ARHGAP26: variants seen among roughly 807,000 people sequenced by gnomAD.
ARHGAP26 encodes rho GTPase-activating protein 26.
A neutral mutation model predicts 104.8 loss-of-function variants in ARHGAP26; 38 were observed. The ratio of observed to expected loss-of-function variants is 0.36; its 90% CI spans 0.28 to 0.48. The LOEUF (loss-of-function observed/expected upper bound fraction) is 0.48, where lower values mean the gene tolerates loss of function less well. Among genes scored for constraint, ARHGAP26 ranks in the 20% least tolerant of loss-of-function variants. ARHGAP26 has a pLI of 0.99. For synonymous variants in ARHGAP26, 341 were observed against 340.0 expected (o/e 1.00, Z -0.03); for missense variants, 704 against 947.9 (o/e 0.74, Z 3.38).
At position 143,057,692 on chromosome 5, in the gene ARHGAP26, C is replaced by T. The variant is rs1786029147; in HGVS notation, c.1483C>T (p.Arg495Trp). The T allele has an allele frequency of 5.0e-6, 8 of 1,613,860 alleles. No individual in the cohort carries two copies. The highest frequency in any genetic ancestry group is 1.1e-5 in the South Asian group (1 of 91,078). The change falls in exon 17 of 23, where the codon CGG becomes TGG. Residue 495 changes from arginine to tryptophan, a missense_variant. Arg to Trp is a moderately radical substitution (Grantham distance 101). This residue lies in a region of ARHGAP26 where 287 missense variants were observed against 438.8 expected (regional missense o/e 0.65). Coordinates refer to ENST00000645722, the MANE Select transcript of ARHGAP26 (RefSeq NM_001135608.3). ...CTCTGAAATCCACAGCCTTGTTCAT[C>T]GGCTCCCAGAGAAAAATCGGCAGAT... ...RVSEIHSLVH[R>W]LPEKNRQMLQ...
At chr5:142,900,688 A>G (rs1760195067) in intron 6 of ARHGAP26, among the ~76,000 whole-genome samples, 1 of 152,130 alleles carries the variant, frequency 6.6e-6, no homozygotes, top group South Asian at 2.1e-4. Flanking sequence ...TTAGGTGAAA[A>G]TAAGTGGGAT....
At chr5:143,202,462 A>G (rs1254575199) in intron 20 of ARHGAP26, 2 of 152,312 alleles carry the variant, frequency 1.3e-5, no homozygotes. Context: ...GATAGGAAGA[A>G]TCAGTATCAT....
intron 17 of ARHGAP26, among the ~76,000 whole-genome samples, chr5:143,065,936 G>A (rs1048845088): frequency 3.9e-5 from 6 of 152,206 alleles, no homozygotes; most frequent in African/African-American, 1.4e-4. Flanking sequence ...GAGCAATTGT[G>A]TTAGTGCTTG....
chr5:142,969,009 G>A (rs1293549007), intron 11 of ARHGAP26, among the ~76,000 whole-genome samples: 2 of 152,198 alleles, frequency 1.3e-5, no homozygotes. Context: ...ATGGCTCATT[G>A]TAGCCTTGAC....
intron 12 of ARHGAP26, among the ~76,000 whole-genome samples, chr5:143,033,923 G>T (rs115479954): frequency 1.3e-5 from 2 of 152,112 alleles, no homozygotes; most frequent in African/African-American, 2.4e-5. Flanking sequence ...GTAATTCCCC[G>T]TCTGACAAAT....
At chr5:143,042,402 C>T (rs3776352) in intron 14 of ARHGAP26, among the ~76,000 whole-genome samples, 33,035 of 152,086 alleles carry the variant, frequency 0.22, 6,508 homozygotes, top group African/African-American at 0.52. Context: ...AGATTTCAAC[C>T]GAATACCTGT....
chr5:142,804,470 A>G (rs886676792), intron 1 of ARHGAP26, among the ~76,000 whole-genome samples: 2 of 152,178 alleles, frequency 1.3e-5, no homozygotes, highest in Non-Finnish European at 2.9e-5. Context: ...ATTATTAAGC[A>G]TAGGTTTGAA....
At chr5:142,911,064 G>A (rs1761761824) in intron 9 of ARHGAP26, among the ~76,000 whole-genome samples, 1 of 152,114 alleles carries the variant, frequency 6.6e-6, no homozygotes, top group Non-Finnish European at 1.5e-5. Flanking sequence ...CATAGCTTCA[G>A]ATCTGGAGTT....
At chr5:143,004,017 C>CA (rs144058530) in intron 11 of ARHGAP26, among the ~76,000 whole-genome samples, 29,236 of 115,552 alleles carry the variant, frequency 0.25, 4,142 homozygotes, top group East Asian at 0.62. Flanking sequence ...AATTTATAGA[C>CA]AAAAAAAAAA....
chr5:143,142,167 T>G (rs898929212), intron 19 of ARHGAP26, among the ~76,000 whole-genome samples: 11 of 128,104 alleles, frequency 8.6e-5, no homozygotes, highest in African/African-American at 1.9e-4. Flanking sequence ...GAGACAGTCT[T>G]GCTCTGTCGC....
At chr5:143,055,877 G>C (rs1460568691) in intron 15 of ARHGAP26, 151 bp from the exon 16 acceptor site, 1 of 538,554 alleles carries the variant, frequency 1.9e-6, no homozygotes, top group African/African-American at 1.9e-5. Flanking sequence ...ATCTCAGAAC[G>C]CTTGCAATAG....
chr5:143,004,264 G>C (rs1178444166), intron 11 of ARHGAP26, among the ~76,000 whole-genome samples: 1 of 152,138 alleles, frequency 6.6e-6, no homozygotes, highest in Non-Finnish European at 1.5e-5. Context: ...TAGTCCACAA[G>C]GACTCAGATA....
intron 11 of ARHGAP26, among the ~76,000 whole-genome samples, chr5:142,962,068 C>T (rs1770346815): frequency 6.6e-6 from 1 of 152,140 alleles, no homozygotes; most frequent in Non-Finnish European, 1.5e-5. Context: ...TAATGAGAAA[C>T]TTCAAAAGCA....
intron 1 of ARHGAP26, among the ~76,000 whole-genome samples, chr5:142,848,614 G>C (rs1411515253): frequency 6.6e-6 from 1 of 152,148 alleles, no homozygotes; most frequent in Non-Finnish European, 1.5e-5. Flanking sequence ...CGTGGAAGCT[G>C]CCGAGGTGAG....
In ARHGAP26 at chr5:142,770,634, A is replaced by G. The variant is rs1754995996; in HGVS notation, c.-128A>G. ...GCGGACACCGCGCGCGGAGTGAGCC[A>G]GCGCCACACCTGTGGAGCCGGCGGC... On this transcript the variant is annotated 5_prime_UTR_variant, in exon 1 of 23. Transcript: ENST00000645722. 1.6e-6 allele frequency: 1 copy of G among 640,306 alleles called. No individual in the cohort carries two copies. The highest frequency in any genetic ancestry group is 2.0e-6 in the Non-Finnish European group (1 of 503,968). 39.7% of individuals were successfully genotyped at this position (640,306 alleles called of 1,614,324 possible).
At chr5:143,160,690 G>A (rs139529017) in intron 20 of ARHGAP26, among the ~76,000 whole-genome samples, 10 of 151,788 alleles carry the variant, frequency 6.6e-5, no homozygotes, top group South Asian at 2.1e-4. Flanking sequence ...TTGCTATGTC[G>A]CCCAGGCTAG....
intron 12 of ARHGAP26, among the ~76,000 whole-genome samples, chr5:143,024,030 G>C (rs1382891546): frequency 6.6e-6 from 1 of 152,170 alleles, no homozygotes; most frequent in African/African-American, 2.4e-5. Context: ...TTCATTATGA[G>C]TTGCCTGTGC....
At chr5:143,000,322 A>G (rs1463576114) in intron 11 of ARHGAP26, among the ~76,000 whole-genome samples, 5 of 152,280 alleles carry the variant, frequency 3.3e-5, no homozygotes, top group Non-Finnish European at 7.3e-5. Flanking sequence ...AAAGATTTGT[A>G]CAAAAACCTT....
rs1485178041 is a variant in ARHGAP26 at position 143,121,020 on chromosome 5, C to T, written c.1571C>T (p.Thr524Met). Reference sequence around the variant, plus strand: ...AACAACCACAAGCAGAATTTGATGACGGTGGCAAACCTTGGTGTGGTGTTT... The same window carrying T: ...AACAACCACAAGCAGAATTTGATGATGGTGGCAAACCTTGGTGTGGTGTTT... Reference protein sequence around the residue: ...VANNHKQNLMTVANLGVVFGP... With the variant: ...VANNHKQNLMMVANLGVVFGP... The change falls in exon 18 of 23, where the codon ACG becomes ATG. Residue 524 changes from threonine (T) to methionine (M), a missense_variant. This residue lies in a region of ARHGAP26 where 287 missense variants were observed against 438.8 expected (regional missense o/e 0.65). Coordinates refer to ENST00000645722, the MANE Select transcript of ARHGAP26 (RefSeq NM_001135608.3). The T allele has an allele frequency of 4.3e-6, 7 of 1,613,062 alleles. No homozygotes were observed. The highest frequency in any genetic ancestry group is 5.1e-6 in the Non-Finnish European group (6 of 1,179,406).
Sources: gnomAD v4.1 joint callset for allele counts (sites outside exome capture counted in the v4.1 genomes callset) on GRCh38, gnomAD v4.1.1 for gene constraint, gnomAD v4.1.1 regional missense constraint, MANE v1.5 for transcripts, NCBI Gene and HGNC (gene_info 2026-07-23, HGNC 2026-07-21) for gene names.